ZBTB40: variants seen among roughly 807,000 people sequenced by gnomAD.
ZBTB40 encodes zinc finger and BTB domain-containing protein 40.
In ZBTB40, 60 loss-of-function variants were observed where a neutral mutation model predicts 117.5. The observed-to-expected ratio is 0.51, with a 90% CI of 0.41 to 0.63. The LOEUF (loss-of-function observed/expected upper bound fraction) is 0.63. ZBTB40 is among the 30% of genes least tolerant of loss of function. The probability of loss-of-function intolerance (pLI) is 0.00; values close to 1 mark genes in which losing one functional copy is unlikely to be tolerated. For missense variants in ZBTB40, 1,287 were observed against 1,498.5 expected, an observed-to-expected ratio of 0.86 and a Z score of 2.33; for synonymous variants, 525 against 577.1, an observed-to-expected ratio of 0.91 and a Z score of 1.29.
At chr1:22,484,483 A>G (rs1638411602) in intron 1 of ZBTB40, among the ~76,000 whole-genome samples, 1 of 152,208 alleles carries the variant, frequency 6.6e-6, no homozygotes, top group African/African-American at 2.4e-5. Flanking sequence ...TGGCTTTTGT[A>G]TATTAACCTT....
rs1223714079 is a variant in ZBTB40, at chr1:22,512,017, G to A, written c.2344G>A (p.Asp782Asn). 3 of 1,614,080 alleles carry A rather than the reference G, an allele frequency of 1.9e-6. No homozygotes were observed. Among genetic ancestry groups the A allele is most frequent in the Non-Finnish European group, 2.5e-6 (3 of 1,180,052 alleles). The change falls in exon 11 of 18, where the codon GAC becomes AAC. Residue 782 changes from aspartate (D) to asparagine (N), a missense_variant. By Grantham distance (23) the Asp-to-Asn change is conservative. Coordinates refer to ENST00000375647, the MANE Select transcript of ZBTB40 (RefSeq NM_014870.4). ...SETKDSKKELDKHQLEAHGAG... is the reference protein window; with the variant it reads ...SETKDSKKELNKHQLEAHGAG... ...GACCAAGGATTCAAAGAAAGAGCTG[G>A]ACAAACATCAGCTGGAGGCCCATGG...
At chr1:22,485,584 G>A (rs1434677658) in intron 1 of ZBTB40, among the ~76,000 whole-genome samples, 1 of 151,910 alleles carries the variant, frequency 6.6e-6, no homozygotes, top group East Asian at 1.9e-4. Context: ...GAGTTTCCTG[G>A]ATCTGTGATG....
chr1:22,447,568 C>T (rs981863374), upstream of ZBTB40, among the ~76,000 whole-genome samples: 1 of 152,162 alleles, frequency 6.6e-6, no homozygotes, highest in Non-Finnish European at 1.5e-5. Flanking sequence ...GTAAATATGA[C>T]GGGCCTGTGA....
At chr1:22,437,873 C>CT in intron 1 of ZBTB40, among the ~76,000 whole-genome samples, 1 of 2,998 alleles carries the variant, frequency 3.3e-4, no homozygotes, top group Non-Finnish European at 0.026. Context: ...CGCCTGTAAT[C>CT]CAGCACTTTG....
At chr1:22,438,852 T>C (rs1470790210) in intron 1 of ZBTB40, among the ~76,000 whole-genome samples, 1 of 152,162 alleles carries the variant, frequency 6.6e-6, no homozygotes, top group African/African-American at 2.4e-5. Flanking sequence ...GCCCATTTTT[T>C]ATTTCATTTT....
chr1:22,441,089 T>G (rs1007607923), intron 1 of ZBTB40, among the ~76,000 whole-genome samples: 1 of 152,216 alleles, frequency 6.6e-6, no homozygotes, highest in Non-Finnish European at 1.5e-5. Context: ...TAAATTCACC[T>G]GTAAAGCCAT....
At chr1:22,501,158 A>G (rs925038702) in intron 3 of ZBTB40, among the ~76,000 whole-genome samples, 1 of 151,556 alleles carries the variant, frequency 6.6e-6, no homozygotes, top group Admixed American at 6.6e-5. Flanking sequence ...TAGTAGGAGA[A>G]AAAAAAAATT....
chr1:22,498,772 G>A (rs1329648100), intron 3 of ZBTB40, among the ~76,000 whole-genome samples: 2 of 125,718 alleles, frequency 1.6e-5, no homozygotes, highest in African/African-American at 3.4e-5. Flanking sequence ...TGGGATATTC[G>A]GAGAGTTTCA....
At chr1:22,495,700 C>CG (rs1638755034) in intron 3 of ZBTB40, among the ~76,000 whole-genome samples, 1 of 152,020 alleles carries the variant, frequency 6.6e-6, no homozygotes. Context: ...TTAGTAGAGA[C>CG]GGGGTTTCAC....
rs778428303 is a variant in ZBTB40 at position 22,508,047 on chromosome 1, T to TC, written c.1408dup (p.His470ProfsTer2). On this transcript the variant is annotated frameshift_variant, in exon 7 of 18. Transcript: ENST00000375647. LOFTEE classifies it high-confidence loss of function. Reference sequence around the variant, plus strand: ...ATGGGACTGAGCTATTGAGACGCTATCATGAAAACCTCTCTGAGATTTTCA... The same window carrying TC: ...ATGGGACTGAGCTATTGAGACGCTATCCATGAAAACCTCTCTGAGATTTTCA... 5.0e-6 allele frequency: 8 copies of TC among 1,614,156 alleles called. No individual in the cohort carries two copies. In the Admixed American group the frequency reaches 8.3e-5, roughly 17 times the overall value.
chr1:22,435,616 A>G (rs554404821), intron 1 of ZBTB40, among the ~76,000 whole-genome samples: 11 of 152,126 alleles, frequency 7.2e-5, no homozygotes, highest in Non-Finnish European at 1.6e-4. Context: ...GCATCCATGT[A>G]TTGCTCCTAA....
chr1:22,499,238 G>A (rs1638860421), intron 3 of ZBTB40, among the ~76,000 whole-genome samples: 1 of 152,238 alleles, frequency 6.6e-6, no homozygotes, highest in Admixed American at 6.5e-5. Context: ...TCTCCGTAGG[G>A]CAGCTCACAA....
chr1:22,459,561 G>C (rs948425769), intron 1 of ZBTB40, among the ~76,000 whole-genome samples: 1 of 152,152 alleles, frequency 6.6e-6, no homozygotes, highest in African/African-American at 2.4e-5. Context: ...CCATTGGTTT[G>C]ATTGCCAATT....
chr1:22,509,286 G>A, intron 9 of ZBTB40, 53 bp downstream of exon 9: 1 of 1,612,146 alleles, frequency 6.2e-7, no homozygotes, highest in South Asian at 1.1e-5. Context: ...TTGTTGCCTG[G>A]GACTGTCTTC....
chr1:22,438,230 C>T (rs1287980080), intron 1 of ZBTB40, among the ~76,000 whole-genome samples: 1 of 152,226 alleles, frequency 6.6e-6, no homozygotes. Flanking sequence ...CCTTCTGTCT[C>T]TGTAAGTTTG....
intron 1 of ZBTB40, among the ~76,000 whole-genome samples, chr1:22,459,606 G>A (rs1476580044): frequency 6.6e-6 from 1 of 152,098 alleles, no homozygotes; most frequent in Non-Finnish European, 1.5e-5. Flanking sequence ...AATTTTAGAG[G>A]CTTTATCATT....
At chr1:22,526,086 G>C in intron 17 of ZBTB40, 116 bp from the exon 18 acceptor site, 1 of 1,230,430 alleles carries the variant, frequency 8.1e-7, no homozygotes, top group South Asian at 1.3e-5. Context: ...ACATGTAAGT[G>C]CTCTCCTCAG....
chr1:22,484,862 T>C (rs80343578), intron 1 of ZBTB40, among the ~76,000 whole-genome samples: 2,139 of 152,334 alleles, frequency 0.014, 54 homozygotes, highest in African/African-American at 0.049. Flanking sequence ...GGGCATTGGA[T>C]TTCTGCCAGA....
intron 1 of ZBTB40, among the ~76,000 whole-genome samples, chr1:22,441,999 A>G (rs1384898533): frequency 1.3e-5 from 2 of 151,882 alleles, no homozygotes; most frequent in Non-Finnish European, 2.9e-5. Flanking sequence ...GTATTTTTTA[A>G]TTTCTCTTCT....
Sources: allele counts gnomAD v4.1 joint callset (sites outside exome capture counted in the v4.1 genomes callset), GRCh38; gene constraint gnomAD v4.1.1; transcripts MANE v1.5; gene names NCBI Gene and HGNC (gene_info 2026-07-23, HGNC 2026-07-21).